The following GRAMD4 variants were observed in gnomAD, a reference collection of about 807,000 sequenced individuals.
GRAMD4 encodes GRAM domain-containing protein 4.
GRAMD4 carries 25 observed loss-of-function variants against 83.9 expected under a neutral mutation model. The ratio of observed to expected loss-of-function variants is 0.30; its 90% CI spans 0.22 to 0.42. GRAMD4 has a LOEUF of 0.42. GRAMD4 is among the 10% of genes least tolerant of loss of function. The probability of loss-of-function intolerance (pLI) is 1.00; values close to 1 mark genes in which losing one functional copy is unlikely to be tolerated. For synonymous variants in GRAMD4, 336 were observed against 320.9 expected (o/e 1.05, Z -0.50); for missense variants, 593 against 788.7 (o/e 0.75, Z 2.97).
At chr22:46,576,641 G>A (rs541983400), upstream of GRAMD4, among the ~76,000 whole-genome samples, 2 of 152,288 alleles carry the variant, frequency 1.3e-5, no homozygotes, top group East Asian at 1.9e-4. Context: ...CAGCCCCGGC[G>A]TGGGGCCGCG....
chr22:46,599,321 G>GTTTTTTT (rs1367806664), intron 1 of GRAMD4, among the ~76,000 whole-genome samples: 1 of 151,536 alleles, frequency 6.6e-6, no homozygotes, highest in African/African-American at 2.4e-5. Context: ...TAGATACTAA[G>GTTTTTTT]TTGTTTTTTT....
At chr22:46,639,322 G>GCAGCGGTGGTTAACCC (rs2081939749) in intron 3 of GRAMD4, among the ~76,000 whole-genome samples, 77 of 134,702 alleles carry the variant, frequency 5.7e-4, no homozygotes, top group African/African-American at 2.1e-3. Flanking sequence ...AACCCTGTGT[G>GCAGCGGTGGTTAACCC]TGTGTGCACG....
chr22:46,618,478 G>A (rs1227779658), upstream of GRAMD4, among the ~76,000 whole-genome samples: 2 of 152,148 alleles, frequency 1.3e-5, no homozygotes, highest in East Asian at 1.9e-4. The surrounding 1 kb of genome is among the most constrained non-coding windows in gnomAD (Gnocchi z 5.8). Flanking sequence ...GGCGGTGGTC[G>A]GAGGGTTGCA....
In GRAMD4 at chr22:46,597,241, G is replaced by A. The variant is rs148166469; in HGVS notation, c.-50+19951G>A. ...TCAGTGCCCTGTGTCCCTCCTGGCA[G>A]GAGGCATACTGCTAAGCAAGGCTGT... On this transcript the variant is annotated intron_variant, in intron 1 of 1. Transcript: ENST00000431155. Among the ~76,000 whole-genome samples, 846 of 152,254 alleles carry A rather than the reference G, an allele frequency of 5.6e-3. 6 individuals are homozygous for A. Among genetic ancestry groups the A allele is most frequent in the Non-Finnish European group, 6.8e-3 (462 of 68,012 alleles).
At chr22:46,638,438 C>G (rs992527769) in intron 3 of GRAMD4, among the ~76,000 whole-genome samples, 1 of 152,256 alleles carries the variant, frequency 6.6e-6, no homozygotes, top group African/African-American at 2.4e-5. Flanking sequence ...CTGGCGTCCA[C>G]TGGCCTTGGC....
chr22:46,600,205 C>A (rs1024225218), intron 1 of GRAMD4, among the ~76,000 whole-genome samples: 11 of 152,296 alleles, frequency 7.2e-5, no homozygotes, highest in African/African-American at 2.6e-4. Flanking sequence ...GCAGCTGTCA[C>A]CTGGAGCTGT....
chr22:46,615,733 TGTAGG>T (rs1569261962), upstream of GRAMD4, among the ~76,000 whole-genome samples: 1 of 34,234 alleles, frequency 2.9e-5, no homozygotes, highest in African/African-American at 1.1e-4. Flanking sequence ...TTCCCCCGTG[TGTAGG>T]TTCCCCTGTG....
chr22:46,586,898 A>G (rs1270543468), intron 1 of GRAMD4, among the ~76,000 whole-genome samples: 1 of 152,178 alleles, frequency 6.6e-6, no homozygotes, highest in East Asian at 1.9e-4. Context: ...AGGTGTGTGT[A>G]GACCTTGGCC....
intron 3 of GRAMD4, among the ~76,000 whole-genome samples, chr22:46,643,332 TATCCATCC>T (rs59819486): frequency 6.8e-6 from 1 of 147,792 alleles, no homozygotes; most frequent in African/African-American, 2.5e-5. Context: ...TCCATGCATC[TATCCATCC>T]ATCCATCCAT....
At chr22:46,623,675 C>A (rs1007597817) in intron 1 of GRAMD4, among the ~76,000 whole-genome samples, 5 of 152,158 alleles carry the variant, frequency 3.3e-5, no homozygotes, top group African/African-American at 7.2e-5. Context: ...AGATTACAGG[C>A]ATGAGCCACC....
Position 46,678,886 on chromosome 22 carries a change from G to A in GRAMD4, c.*1635G>A. 1 of 985,918 alleles carries A rather than the reference G, an allele frequency of 1.0e-6. No homozygotes were observed. The highest frequency in any genetic ancestry group is 1.2e-6 in the Non-Finnish European group (1 of 829,986). 61.1% of individuals were successfully genotyped at this position (985,918 alleles called of 1,614,324 possible). A position where few individuals can be genotyped will look rare whatever the true frequency, so the allele number is the denominator to read the frequency against. ...AGCACATGTCCTATCCCAGGCGGTGGAGCGGAGCCCCCGTGGCTCTGGACT... is the reference window on the plus strand; with the variant it reads ...AGCACATGTCCTATCCCAGGCGGTGAAGCGGAGCCCCCGTGGCTCTGGACT... On this transcript the variant is annotated 3_prime_UTR_variant, in exon 19 of 19. Coordinates refer to ENST00000406902, the MANE Select transcript of GRAMD4 (RefSeq NM_015124.5).
At chr22:46,664,254 C>T in intron 8 of GRAMD4, 137 bp downstream of exon 8, 1 of 690,720 alleles carries the variant, frequency 1.4e-6, no homozygotes, top group Non-Finnish European at 2.6e-6. Context: ...ATGCTCATTT[C>T]TCCTTCTGTA....
intron 14 of GRAMD4, 128 bp from the exon 15 acceptor site, chr22:46,673,542 A>G (rs2082546128): frequency 7.6e-6 from 9 of 1,181,516 alleles, no homozygotes; most frequent in Admixed American, 4.0e-5. Flanking sequence ...TCTGGGCCGG[A>G]AGGGACCTCG....
chr22:46,648,935 CATGGATGGATGGATGG>C (rs57053112), intron 3 of GRAMD4, among the ~76,000 whole-genome samples: 8,893 of 45,456 alleles, frequency 0.2, 629 homozygotes, highest in East Asian at 0.32. Flanking sequence ...TGGATGGATG[CATGGATGGATGGATGG>C]ATGGATGGAT....
At chr22:46,639,641 C>T (rs896745788) in intron 3 of GRAMD4, among the ~76,000 whole-genome samples, 34 of 148,972 alleles carry the variant, frequency 2.3e-4, no homozygotes, top group Non-Finnish European at 4.2e-4. Flanking sequence ...ACTGTGTGTG[C>T]GTGTGCATGC....
chr22:46,586,890 G>A (rs1276913426), intron 1 of GRAMD4, among the ~76,000 whole-genome samples: 1 of 152,202 alleles, frequency 6.6e-6, no homozygotes, highest in Admixed American at 6.5e-5. Flanking sequence ...AGGTAGAAAG[G>A]TGTGTGTAGA....
At chr22:46,647,991 A>G (rs2147272939) in intron 3 of GRAMD4, among the ~76,000 whole-genome samples, 1 of 152,368 alleles carries the variant, frequency 6.6e-6, no homozygotes, top group African/African-American at 2.4e-5. Flanking sequence ...CTGCTGCCTT[A>G]TCTGTGATTT....
At chr22:46,588,284 T>C (rs1293671548) in intron 1 of GRAMD4, among the ~76,000 whole-genome samples, 1 of 151,476 alleles carries the variant, frequency 6.6e-6, no homozygotes, top group Non-Finnish European at 1.5e-5. Flanking sequence ...GAGGAGCCAG[T>C]AGGTCAGGAG....
intron 2 of GRAMD4, among the ~76,000 whole-genome samples, chr22:46,632,063 T>G (rs2081782462): frequency 6.6e-6 from 1 of 152,242 alleles, no homozygotes; most frequent in Non-Finnish European, 1.5e-5. Context: ...GTCCTCCAGG[T>G]GTGCTCCGCT....
Sources: allele counts gnomAD v4.1 joint callset (sites outside exome capture counted in the v4.1 genomes callset), GRCh38; gene constraint gnomAD v4.1.1; non-coding constraint Gnocchi (gnomAD v3.1); transcripts MANE v1.5; gene names NCBI Gene and HGNC (gene_info 2026-07-23, HGNC 2026-07-21).